IL1RAPL2: variants seen among roughly 807,000 people sequenced by gnomAD.
The protein encoded by IL1RAPL2 is interleukin 1 receptor accessory protein like 2.
Under a neutral mutation model 44.1 loss-of-function variants are expected in IL1RAPL2, and 3 were observed. The observed-to-expected ratio is 0.07, with a 90% CI of 0.03 to 0.18. IL1RAPL2 has a LOEUF of 0.18. Among genes scored for constraint, IL1RAPL2 ranks in the 10% least tolerant of loss-of-function variants. IL1RAPL2 has a pLI of 1.00. For missense variants in IL1RAPL2, 391 were observed against 496.4 expected, an observed-to-expected ratio of 0.79 and a Z score of 2.02; for synonymous variants, 181 against 178.8, an observed-to-expected ratio of 1.01 and a Z score of -0.10.
At chrX:104,667,162 C>T (rs1305785955) in intron 2 of IL1RAPL2, among the ~76,000 whole-genome samples, 1 of 110,924 alleles carries the variant, frequency 9.0e-6, no homozygotes, top group Non-Finnish European at 1.9e-5. Flanking sequence ...TTAAGAGGCA[C>T]CCATTAAACC....
chrX:104,931,070 G>C (rs1220397175), intron 2 of IL1RAPL2, among the ~76,000 whole-genome samples: 1 of 110,853 alleles, frequency 9.0e-6, no homozygotes, highest in Non-Finnish European at 1.9e-5. Context: ...GGACCTATTA[G>C]CTGGAAGATG....
At chrX:105,702,841 A>T (rs1337130062) in intron 6 of IL1RAPL2, among the ~76,000 whole-genome samples, 1 of 112,047 alleles carries the variant, frequency 8.9e-6, no homozygotes, top group African/African-American at 3.2e-5. Flanking sequence ...TGAGCCTTGA[A>T]AAGAGAAAAG....
chrX:105,185,128 T>C (rs1487878146), intron 2 of IL1RAPL2, among the ~76,000 whole-genome samples: 2 of 111,892 alleles, frequency 1.8e-5, no homozygotes, highest in Non-Finnish European at 3.8e-5. Context: ...TAGTCACTAA[T>C]ATCTTTTTTT....
intron 2 of IL1RAPL2, among the ~76,000 whole-genome samples, chrX:104,783,790 T>C (rs1275610718): frequency 9.2e-6 from 1 of 108,320 alleles, no homozygotes; most frequent in East Asian, 2.8e-4. Flanking sequence ...ATTATACTTC[T>C]ATTGAACAGC....
intron 5 of IL1RAPL2, among the ~76,000 whole-genome samples, chrX:105,357,756 C>T (rs781295395): frequency 1.8e-5 from 2 of 110,306 alleles, no homozygotes; most frequent in Admixed American, 9.8e-5. Context: ...CAGACATTTT[C>T]GCTTTCATGA....
chrX:104,948,596 A>T (rs1304333013), intron 2 of IL1RAPL2, among the ~76,000 whole-genome samples: 2 of 110,619 alleles, frequency 1.8e-5, no homozygotes, highest in Non-Finnish European at 3.8e-5. Context: ...CGTCCCATCA[A>T]TACCTAATTT....
At position 104,644,557 on chromosome X, in the gene IL1RAPL2, G is replaced by GT. The variant is rs953158085; in HGVS notation, c.-19-14330dup. Among the ~76,000 whole-genome samples, 350 of 110,012 alleles carry GT rather than the reference G, an allele frequency of 3.2e-3. 2 individuals carry two copies. The highest frequency in any genetic ancestry group is 9.8e-3 in the African/African-American group (298 of 30,287). On this transcript the variant is annotated intron_variant, in intron 1 of 10. Transcript: ENST00000372582. Reference sequence around the variant, plus strand: ...AGCTCCAGAAACCTTTTTTTAATCTGTTTTTTTTAAGTGTCCTTACTCCAT... The same window carrying GT: ...AGCTCCAGAAACCTTTTTTTAATCTGTTTTTTTTTAAGTGTCCTTACTCCAT...
intron 6 of IL1RAPL2, among the ~76,000 whole-genome samples, chrX:105,670,105 G>GCATATATA (rs1255183400): frequency 2.6e-4 from 3 of 11,682 alleles, no homozygotes; most frequent in Non-Finnish European, 5.8e-4. Context: ...TGGGTTTCCT[G>GCATATATA]TATATATATA....
chrX:105,766,223 A>T (rs2038728160), intron 10 of IL1RAPL2, among the ~76,000 whole-genome samples: 1 of 111,857 alleles, frequency 8.9e-6, no homozygotes, highest in Admixed American at 9.5e-5. Flanking sequence ...TGTTCATTTC[A>T]CACCATCCCC....
rs960229478 is a variant in IL1RAPL2, at chrX:104,911,166, C to T, written c.82+252171C>T. Among the ~76,000 whole-genome samples the T allele has an allele frequency of 7.2e-5, 8 of 111,649 alleles. No individual in the cohort carries two copies. The East Asian group carries it at 1.1e-3, about 16-fold the overall frequency. The stretch of plus-strand genomic sequence containing the variant: ...TAAAAATTATCAACCTCCCATCTCC[C>T]GCCCAAAGACTCCAGGCTTATGTGA... On this transcript the variant is annotated intron_variant, in intron 2 of 10. Coordinates refer to ENST00000372582, the MANE Select transcript of IL1RAPL2 (RefSeq NM_017416.2).
chrX:104,662,258 A>C (rs1366844023), intron 2 of IL1RAPL2, among the ~76,000 whole-genome samples: 1 of 112,165 alleles, frequency 8.9e-6, no homozygotes, highest in African/African-American at 3.2e-5. Flanking sequence ...CACACTGGGC[A>C]AGTCCAACAA....
chrX:104,962,281 A>C (rs773106762), intron 2 of IL1RAPL2, among the ~76,000 whole-genome samples: 1 of 112,567 alleles, frequency 8.9e-6, no homozygotes, highest in Non-Finnish European at 1.9e-5. Flanking sequence ...GATTTCTGCC[A>C]TGTGCAACCA....
At chrX:105,516,856 A>G (rs138303671) in intron 6 of IL1RAPL2, among the ~76,000 whole-genome samples, 9 of 112,099 alleles carry the variant, frequency 8.0e-5, no homozygotes, top group Admixed American at 1.9e-4. Context: ...AATAAAGTGC[A>G]TAGTGAGTAA....
intron 1 of IL1RAPL2, among the ~76,000 whole-genome samples, chrX:104,572,653 G>C (rs142278789): frequency 8.9e-6 from 1 of 111,857 alleles, no homozygotes; most frequent in African/African-American, 3.3e-5. Context: ...GGAGTGCAGT[G>C]GTGTGATCAC....
chrX:104,968,192 C>T (rs897684521), intron 2 of IL1RAPL2, among the ~76,000 whole-genome samples: 4 of 111,408 alleles, frequency 3.6e-5, no homozygotes, highest in Non-Finnish European at 5.7e-5. Flanking sequence ...ATAAAGTAGA[C>T]CAAGTTCAGT....
intron 2 of IL1RAPL2, among the ~76,000 whole-genome samples, chrX:104,815,446 A>T (rs1386875396): frequency 2.7e-5 from 3 of 111,483 alleles, no homozygotes; most frequent in African/African-American, 9.8e-5. Flanking sequence ...AACTCTGGAC[A>T]AACTCTGGTG....
intron 5 of IL1RAPL2, among the ~76,000 whole-genome samples, chrX:105,323,872 TCACACACACACACACACACACACAGA>T (rs1360531723): frequency 9.8e-6 from 1 of 102,489 alleles, no homozygotes; most frequent in African/African-American, 3.6e-5. Flanking sequence ...TGAGACTCTG[TCACACACACACACACACACACACAGA>T]CACACACACA....
At chrX:104,987,405 G>A (rs1351410553) in intron 2 of IL1RAPL2, among the ~76,000 whole-genome samples, 1 of 101,826 alleles carries the variant, frequency 9.8e-6, no homozygotes, top group Non-Finnish European at 2.0e-5. Flanking sequence ...AGGCTTTGAG[G>A]TAGTTTATAA....
chrX:105,413,457 T>A (rs1402973002), intron 5 of IL1RAPL2, among the ~76,000 whole-genome samples: 1 of 111,309 alleles, frequency 9.0e-6, no homozygotes, highest in African/African-American at 3.3e-5. Flanking sequence ...AGGGAGTCAG[T>A]CCAGCTCTAC....
Sources: allele counts gnomAD v4.1 joint callset (sites outside exome capture counted in the v4.1 genomes callset), GRCh38; gene constraint gnomAD v4.1.1; transcripts MANE v1.5; gene names NCBI Gene and HGNC (gene_info 2026-07-23, HGNC 2026-07-21).